The following SETBP1 variants were observed in gnomAD, a reference collection of about 807,000 sequenced individuals.
SETBP1 encodes the protein SET binding protein 1.
A neutral mutation model predicts 101.0 loss-of-function variants in SETBP1; 9 were observed. That is an observed-to-expected ratio of 0.09 (90% CI 0.05 to 0.16). SETBP1 has a LOEUF of 0.16. SETBP1 is among the 10% of genes least tolerant of loss of function. The pLI, the probability that SETBP1 is intolerant of heterozygous loss-of-function variation, is 1.00. For missense variants in SETBP1, 1,858 were observed against 2,033.8 expected, an observed-to-expected ratio of 0.91 and a Z score of 1.66; for synonymous variants, 818 against 788.5, an observed-to-expected ratio of 1.04 and a Z score of -0.63.
chr18:44,972,710 T>A (rs1444725309), intron 4 of SETBP1, among the ~76,000 whole-genome samples: 1 of 152,208 alleles, frequency 6.6e-6, no homozygotes, highest in Non-Finnish European at 1.5e-5. Context: ...TGCTTGTGAT[T>A]TTTTCACATC....
chr18:44,940,798 C>G (rs1017897527), intron 3 of SETBP1, among the ~76,000 whole-genome samples: 2 of 152,146 alleles, frequency 1.3e-5, no homozygotes, highest in African/African-American at 4.8e-5. Flanking sequence ...AATATATTTA[C>G]TATTTTCAGC....
rs540340537 is a variant in SETBP1 at position 44,798,416 on chromosome 18, T to C, written c.487-70814T>C. ...TTAATTACAGAAATGGAAATGTCCC[T>C]CTGACCATCTTTTCTTTCTGGAACA... On this transcript the variant is annotated intron_variant, in intron 2 of 5. Transcript: ENST00000649279. Among the ~76,000 whole-genome samples, 12 of 152,306 alleles carry C rather than the reference T, an allele frequency of 7.9e-5. No individual in the cohort carries two copies. In the South Asian group the frequency reaches 2.5e-3, roughly 32 times the overall value.
Position 45,038,476 on chromosome 18 carries a change from A to G in SETBP1, c.4001-9A>G. 1 of 1,613,806 alleles carries G rather than the reference A, an allele frequency of 6.2e-7. No homozygotes were observed. The highest frequency in any genetic ancestry group is 1.3e-5 in the African/African-American group (1 of 74,950). Reference sequence around the variant, plus strand: ...AGTGACTGAAAGCTTTGGGGTTGTTATTTTTTAGGGATGCCAAGTCCCCAC... The same window carrying G: ...AGTGACTGAAAGCTTTGGGGTTGTTGTTTTTTAGGGATGCCAAGTCCCCAC... On this transcript the variant is annotated splice_polypyrimidine_tract_variant and intron_variant, in intron 4 of 5. Transcript: ENST00000649279.
At chr18:44,804,470 G>T (rs1262265671) in intron 2 of SETBP1, among the ~76,000 whole-genome samples, 1 of 152,136 alleles carries the variant, frequency 6.6e-6, no homozygotes, top group Non-Finnish European at 1.5e-5. Flanking sequence ...AATATGACAG[G>T]TAGAATAGGG....
At chr18:44,898,032 T>A (rs774645074) in intron 3 of SETBP1, among the ~76,000 whole-genome samples, 6 of 152,172 alleles carry the variant, frequency 3.9e-5, no homozygotes, top group Non-Finnish European at 8.8e-5. Flanking sequence ...GTTGTGATAG[T>A]GCCCAGACTT....
chr18:45,054,383 T>G (rs368688614), intron 5 of SETBP1, among the ~76,000 whole-genome samples: 2 of 152,064 alleles, frequency 1.3e-5, no homozygotes, highest in East Asian at 3.9e-4. Context: ...AGATGGGGTT[T>G]CACCATGTTG....
rs575824183 is a variant in SETBP1, at chr18:44,933,756, G to A, written c.541-16125G>A. 2.0e-5 allele frequency among the ~76,000 whole-genome samples: 3 copies of A among 152,324 alleles called. No individual in the cohort carries two copies. The South Asian group carries it at 6.2e-4, about 32-fold the overall frequency. On this transcript the variant is annotated intron_variant, in intron 3 of 5. Coordinates refer to ENST00000649279, the MANE Select transcript of SETBP1 (RefSeq NM_015559.3). The stretch of plus-strand genomic sequence containing the variant: ...GTGTGGTACCCTCCGAGCCAGGCAC[G>A]GGATATAATCTCCTGGTGTGCCATT...
At chr18:45,005,573 G>A (rs1256321598) in intron 4 of SETBP1, among the ~76,000 whole-genome samples, 1 of 151,844 alleles carries the variant, frequency 6.6e-6, no homozygotes, top group East Asian at 1.9e-4. Context: ...ACCAAATCGG[G>A]CAATAAGCCT....
chr18:44,755,760 AAT>A (rs1213923525), intron 2 of SETBP1, among the ~76,000 whole-genome samples: 3 of 152,100 alleles, frequency 2.0e-5, no homozygotes, highest in Non-Finnish European at 4.4e-5. Context: ...CATGTGAGCC[AAT>A]TCCCCCTTAA....
At chr18:45,056,649 C>A (rs2073813340) in intron 5 of SETBP1, among the ~76,000 whole-genome samples, 1 of 152,192 alleles carries the variant, frequency 6.6e-6, no homozygotes, top group South Asian at 2.1e-4. Context: ...GGCAAGGTGG[C>A]AGGGGCAGGA....
At chr18:44,934,709 A>T (rs924562071) in intron 3 of SETBP1, among the ~76,000 whole-genome samples, 1 of 152,198 alleles carries the variant, frequency 6.6e-6, no homozygotes, top group African/African-American at 2.4e-5. Flanking sequence ...TTTTACAGAT[A>T]GGGAAAGTGG....
At chr18:44,824,365 T>C (rs1449888656) in intron 2 of SETBP1, among the ~76,000 whole-genome samples, 1 of 152,184 alleles carries the variant, frequency 6.6e-6, no homozygotes, top group Non-Finnish European at 1.5e-5. Flanking sequence ...GCACATAACA[T>C]GGGATCTATA....
intron 1 of SETBP1, among the ~76,000 whole-genome samples, chr18:44,686,806 A>G (rs2068847895): frequency 6.6e-6 from 1 of 152,140 alleles, no homozygotes; most frequent in African/African-American, 2.4e-5. Context: ...TTCGGGGGTA[A>G]TCACCCAAAA....
chr18:44,876,908 A>C (rs2069419685), intron 3 of SETBP1: 1 of 1,369,114 alleles, frequency 7.3e-7, no homozygotes, highest in South Asian at 2.1e-5. Context: ...CTGGGTCTAA[A>C]AGATAATCCA....
chr18:44,905,772 T>G (rs887861016), intron 3 of SETBP1, among the ~76,000 whole-genome samples: 19 of 152,186 alleles, frequency 1.2e-4, no homozygotes, highest in African/African-American at 4.1e-4. Flanking sequence ...GGTTTCAGCA[T>G]CGAAGCTAAC....
chr18:45,040,963 G>T (rs909922307), intron 5 of SETBP1, among the ~76,000 whole-genome samples: 2 of 152,210 alleles, frequency 1.3e-5, no homozygotes, highest in African/African-American at 4.8e-5. Flanking sequence ...ACCTTCCTGA[G>T]ATTTCACTCC....
chr18:44,835,659 G>A lies in SETBP1; in HGVS notation c.487-33571G>A, dbSNP rs77738733. ...GTTTAGGGATCCACCTTGTCTGGCTGCTCAATGTTTCTTTCCCATAGGAAG... is the reference window on the plus strand; with the variant it reads ...GTTTAGGGATCCACCTTGTCTGGCTACTCAATGTTTCTTTCCCATAGGAAG... On this transcript the variant is annotated intron_variant, in intron 2 of 5. Coordinates refer to ENST00000649279, the MANE Select transcript of SETBP1 (RefSeq NM_015559.3). Among the ~76,000 whole-genome samples the A allele has an allele frequency of 5.0e-3, 754 of 152,280 alleles. 7 individuals are homozygous for A. Among genetic ancestry groups the A allele is most frequent in the African/African-American group, 0.017 (700 of 41,552 alleles).
At chr18:44,727,186 CTGTGTGTGTGTG>C (rs56695366) in intron 2 of SETBP1, among the ~76,000 whole-genome samples, 31,890 of 145,254 alleles carry the variant, frequency 0.22, 3,672 homozygotes, top group East Asian at 0.33. Context: ...TATTTGATCA[CTGTGTGTGTGTG>C]TGTGTGTGTG....
At chr18:44,968,716 C>G (rs1206398558) in intron 4 of SETBP1, among the ~76,000 whole-genome samples, 2 of 152,124 alleles carry the variant, frequency 1.3e-5, no homozygotes, top group Non-Finnish European at 2.9e-5. Flanking sequence ...TCTTTCTTCC[C>G]AAGTAGGCAA....
Sources: gnomAD v4.1 joint callset for allele counts (sites outside exome capture counted in the v4.1 genomes callset) on GRCh38, gnomAD v4.1.1 for gene constraint, MANE v1.5 for transcripts, NCBI Gene and HGNC (gene_info 2026-07-23, HGNC 2026-07-21) for gene names.